The following IARS1 variants were observed in gnomAD, a reference collection of about 807,000 sequenced individuals.
IARS1 encodes isoleucyl-tRNA synthetase 1.
IARS1 carries 124 observed loss-of-function variants against 168.2 expected under a neutral mutation model. That is an observed-to-expected ratio of 0.74 (90% CI 0.64 to 0.86). The LOEUF (loss-of-function observed/expected upper bound fraction) is 0.86, where lower values mean the gene tolerates loss of function less well. IARS1 is among the 40% of genes least tolerant of loss of function. The pLI, the probability that IARS1 is intolerant of heterozygous loss-of-function variation, is 0.00. For synonymous variants in IARS1, 532 were observed against 529.4 expected (o/e 1.00, Z -0.07); for missense variants, 1,452 against 1,515.8 (o/e 0.96, Z 0.70).
At chr9:92,245,280 T>G (rs1236967223) in intron 26 of IARS1, among the ~76,000 whole-genome samples, 1 of 152,194 alleles carries the variant, frequency 6.6e-6, no homozygotes, top group Non-Finnish European at 1.5e-5. Flanking sequence ...TGAAGACAGT[T>G]AAGTCATCAC....
chr9:92,214,006 T>G (rs1838200136), intron 33 of IARS1, among the ~76,000 whole-genome samples: 1 of 152,008 alleles, frequency 6.6e-6, no homozygotes, highest in African/African-American at 2.4e-5. Flanking sequence ...TTTCACCATA[T>G]TGGCCATGCT....
intron 33 of IARS1, among the ~76,000 whole-genome samples, chr9:92,212,258 A>G (rs1837881659): frequency 6.6e-6 from 1 of 152,212 alleles, no homozygotes; most frequent in Non-Finnish European, 1.5e-5. Context: ...AGTTATTGAT[A>G]CTTTATGAAA....
At chr9:92,257,968 T>G (rs1302150246) in intron 19 of IARS1, among the ~76,000 whole-genome samples, 4 of 152,178 alleles carry the variant, frequency 2.6e-5, no homozygotes, top group Admixed American at 6.5e-5. Flanking sequence ...CAAGGGCTTC[T>G]CAGGTGAGAA....
intron 29 of IARS1, among the ~76,000 whole-genome samples, chr9:92,241,384 C>T (rs1215727176): frequency 2.0e-5 from 3 of 151,956 alleles, no homozygotes; most frequent in African/African-American, 4.8e-5. Flanking sequence ...CTTGCTCTGT[C>T]GCCCAGGATC....
Position 92,288,672 on chromosome 9 carries a change from G to A in IARS1, c.120-390C>T, listed in dbSNP as rs113524380. 3.9e-5 allele frequency among the ~76,000 whole-genome samples: 6 copies of A among 152,270 alleles called. 1 individual carries two copies. The highest frequency in any genetic ancestry group is 1.4e-4 in the African/African-American group (6 of 41,552). ...TTAGGTGAATGAGGACTAAAGGCAGGTAGTACTATAGTAGCCTTCTATGGG... is the reference window on the plus strand; with the variant it reads ...TTAGGTGAATGAGGACTAAAGGCAGATAGTACTATAGTAGCCTTCTATGGG... On this transcript the variant is annotated intron_variant, in intron 2 of 33. Transcript: ENST00000443024.
chr9:92,268,248 G>A lies in IARS1; in HGVS notation c.1357C>T (p.Arg453Cys), dbSNP rs766050617. 5.6e-6 allele frequency: 9 copies of A among 1,611,920 alleles called. No homozygotes were observed. The highest frequency in any genetic ancestry group is 1.7e-5 in the Admixed American group (1 of 59,406). ...CTGTTTCTGGAAATTGTCCAGTCACGTGCATCTTTCAGCCAATTTCCAAAT... is the reference window on the plus strand; with the variant it reads ...CTGTTTCTGGAAATTGTCCAGTCACATGCATCTTTCAGCCAATTTCCAAAT... The part of the protein sequence containing the change: ...KRFGNWLKDA[R>C]DWTISRNRYW... The change falls in exon 14 of 34, where the codon CGT (arginine) becomes TGT (cysteine). Residue 453 changes from arginine (R) to cysteine (C), a missense_variant. Coordinates refer to ENST00000443024, the MANE Select transcript of IARS1 (RefSeq NM_002161.6).
rs1219066935 is a variant in IARS1 at position 92,265,517 on chromosome 9, GTTC to G, written c.1465_1467del (p.Glu489del). 6.2e-7 allele frequency: 1 copy of G among 1,613,620 alleles called. No homozygotes were observed. Among genetic ancestry groups the G allele is most frequent in the Admixed American group, 1.7e-5 (1 of 59,982 alleles). On this transcript the variant is annotated inframe_deletion, in exon 15 of 34. Coordinates refer to ENST00000443024, the MANE Select transcript of IARS1 (RefSeq NM_002161.6). Reference sequence around the variant, plus strand: ...AGATCTGAGATCTTTGCTCCTGACAGTTCTTCAAGTTCCGCCACTGACCCAATG... The same window carrying G: ...AGATCTGAGATCTTTGCTCCTGACAGTTCAAGTTCCGCCACTGACCCAATG...
At chr9:92,246,945 C>G (rs1829285853) in intron 26 of IARS1, among the ~76,000 whole-genome samples, 1 of 152,154 alleles carries the variant, frequency 6.6e-6, no homozygotes, top group African/African-American at 2.4e-5. Context: ...GTAATCCCAG[C>G]AATTTGGGGG....
intron 1 of IARS1, among the ~76,000 whole-genome samples, chr9:92,290,493 T>A (rs1836152044): frequency 6.6e-6 from 1 of 152,156 alleles, no homozygotes; most frequent in Non-Finnish European, 1.5e-5. Context: ...CTGTGGGCCG[T>A]CTTTTTATTT....
rs1193473268 is a variant in IARS1 at position 92,249,886 on chromosome 9, A to G, written c.2588T>C (p.Ile863Thr). The G allele has an allele frequency of 2.5e-6, 4 of 1,603,758 alleles. No individual in the cohort carries two copies. Among genetic ancestry groups the G allele is most frequent in the South Asian group, 1.1e-5 (1 of 90,638 alleles). The stretch of plus-strand genomic sequence containing the variant: ...AATGATATACTTCTCCAAAGACTTG[A>G]TATCTTTAAGAGCTTCTGGATCTTG... ...IHQDPEALKD[I>T]KSLEKYIIEE... is the part of the protein sequence containing the mutation. The change falls in exon 25 of 34, where the codon ATC (isoleucine) becomes ACC (threonine). Residue 863 changes from isoleucine (I) to threonine (T), a missense_variant. Ile to Thr is a moderately conservative substitution (Grantham distance 89, BLOSUM62 -1). Coordinates refer to ENST00000443024, the MANE Select transcript of IARS1 (RefSeq NM_002161.6).
At chr9:92,255,367 C>T (rs1047817085) in intron 20 of IARS1, among the ~76,000 whole-genome samples, 2 of 152,156 alleles carry the variant, frequency 1.3e-5, no homozygotes, top group Admixed American at 6.5e-5. Context: ...TTTGCCTTGC[C>T]CTCTTTTGCC....
chr9:92,215,789 C>A (rs1432052138), intron 33 of IARS1, among the ~76,000 whole-genome samples: 2 of 151,738 alleles, frequency 1.3e-5, no homozygotes, highest in Non-Finnish European at 2.9e-5. Flanking sequence ...ACCAAATCTA[C>A]GTCTGACTGG....
At chr9:92,285,417 G>A (rs527973295) in intron 6 of IARS1, among the ~76,000 whole-genome samples, 1 of 152,232 alleles carries the variant, frequency 6.6e-6, no homozygotes, top group Admixed American at 6.5e-5. Flanking sequence ...GATGACTACA[G>A]GAAGTATGTC....
At chr9:92,215,177 G>T (rs947239247) in intron 33 of IARS1, among the ~76,000 whole-genome samples, 1 of 152,160 alleles carries the variant, frequency 6.6e-6, no homozygotes, top group African/African-American at 2.4e-5. Flanking sequence ...TACCTCACAC[G>T]GCAGGGTATT....
intron 11 of IARS1, 137 bp downstream of exon 11, chr9:92,271,396 A>G (rs1286559226): frequency 4.6e-6 from 5 of 1,087,122 alleles, no homozygotes; most frequent in Admixed American, 2.0e-5. Flanking sequence ...AACTGATAAC[A>G]TCTGTCTTTA....
intron 9 of IARS1, among the ~76,000 whole-genome samples, chr9:92,275,017 C>T (rs1174157802): frequency 5.9e-5 from 9 of 152,196 alleles, no homozygotes; most frequent in Non-Finnish European, 1.0e-4. Flanking sequence ...GGTACTCCAC[C>T]ACCTTAATAC....
At chr9:92,226,715 C>T (rs1196886227) in intron 31 of IARS1, among the ~76,000 whole-genome samples, 3 of 152,016 alleles carry the variant, frequency 2.0e-5, no homozygotes, top group Admixed American at 2.0e-4. Context: ...TTGGTTGTTT[C>T]TTGGCTTGCA....
Position 92,237,275 on chromosome 9 carries a change from C to G in IARS1, c.3283+3581G>C, listed in dbSNP as rs187457193. 1.6e-4 allele frequency among the ~76,000 whole-genome samples: 25 copies of G among 152,254 alleles called. No homozygotes were observed. The East Asian group carries it at 4.8e-3, about 29-fold the overall frequency. On this transcript the variant is annotated intron_variant, in intron 30 of 33. Transcript: ENST00000443024. ...CACTCAGTTCTATGTTTCTTTCCCT[C>G]TTGAGACTTCTTCCCTAATCATGGA...
chr9:92,292,176 C>G (rs889345650), intron 1 of IARS1, among the ~76,000 whole-genome samples: 1 of 129,214 alleles, frequency 7.7e-6, no homozygotes, highest in Non-Finnish European at 1.5e-5. Flanking sequence ...CACCACCACA[C>G]TCAGCTTTTT....
Sources: gnomAD v4.1 joint callset for allele counts (sites outside exome capture counted in the v4.1 genomes callset) on GRCh38, gnomAD v4.1.1 for gene constraint, MANE v1.5 for transcripts, NCBI Gene and HGNC (gene_info 2026-07-23, HGNC 2026-07-21) for gene names.